COP1: variants seen among roughly 807,000 people sequenced by gnomAD.
COP1 encodes E3 ubiquitin-protein ligase COP1.
COP1 carries 24 observed loss-of-function variants against 101.3 expected under a neutral mutation model. That is an observed-to-expected ratio of 0.24 (90% CI 0.17 to 0.33). The LOEUF (loss-of-function observed/expected upper bound fraction) is 0.33, where lower values mean the gene tolerates loss of function less well. Among genes scored for constraint, COP1 ranks in the 10% least tolerant of loss-of-function variants. The pLI is 1.00. For missense variants in COP1, 663 were observed against 906.2 expected, an observed-to-expected ratio of 0.73 and a Z score of 3.45; for synonymous variants, 347 against 341.9, an observed-to-expected ratio of 1.01 and a Z score of -0.17.
At chr1:176,196,849 C>T (rs791747) in intron 1 of COP1, among the ~76,000 whole-genome samples, 42,307 of 147,604 alleles carry the variant, frequency 0.29, 6,779 homozygotes, top group East Asian at 0.52. Context: ...CAAGACCAGC[C>T]AGGGCAACAC....
chr1:176,198,673 A>G (rs1167566912), intron 1 of COP1, among the ~76,000 whole-genome samples: 1 of 152,134 alleles, frequency 6.6e-6, no homozygotes, highest in Non-Finnish European at 1.5e-5. Flanking sequence ...AAGAAAATGA[A>G]AAGATAAGCA....
intron 1 of COP1, among the ~76,000 whole-genome samples, chr1:176,189,490 AAAAAT>A (rs1698866668): frequency 6.6e-6 from 1 of 152,076 alleles, no homozygotes; most frequent in Non-Finnish European, 1.5e-5. Context: ...TATACTCAAC[AAAAAT>A]ATCTTTCAAA....
chr1:176,059,613 G>C (rs892846990), intron 11 of COP1, among the ~76,000 whole-genome samples: 8 of 152,014 alleles, frequency 5.3e-5, no homozygotes, highest in African/African-American at 1.9e-4. Flanking sequence ...CTCCTGAGTA[G>C]CTGAGATTAT....
At chr1:176,030,522 T>C (rs921126341) in intron 14 of COP1, among the ~76,000 whole-genome samples, 2 of 152,210 alleles carry the variant, frequency 1.3e-5, no homozygotes, top group African/African-American at 4.8e-5. Flanking sequence ...ACAGTTAAGT[T>C]AGAAGGGTGG....
At chr1:176,183,429 C>A (rs1400940709) in intron 2 of COP1, among the ~76,000 whole-genome samples, 2 of 152,166 alleles carry the variant, frequency 1.3e-5, no homozygotes, top group Non-Finnish European at 2.9e-5. Context: ...AGGATGGCTA[C>A]TATCAAAAAC....
Position 176,046,332 on chromosome 1 carries a change from GA to G in COP1, c.1278-9del. 1 of 1,602,190 alleles carries G rather than the reference GA, an allele frequency of 6.2e-7. No homozygotes were observed. The highest frequency in any genetic ancestry group is 8.5e-7 in the Non-Finnish European group (1 of 1,176,730). On this transcript the variant is annotated splice_polypyrimidine_tract_variant and intron_variant, in intron 11 of 19. Transcript: ENST00000367669. ...TCCCGGTCAAATTCAATACTAAGGG[GA>G]AAAAGTATGTAATGACAACATTTCA...
chr1:176,181,749 G>A (rs1002032832), intron 2 of COP1, among the ~76,000 whole-genome samples: 5 of 152,020 alleles, frequency 3.3e-5, no homozygotes, highest in African/African-American at 1.2e-4. Context: ...GCTGAGGCAG[G>A]AGAATCGCTG....
At chr1:176,042,899 C>T (rs1275584940) in intron 14 of COP1, among the ~76,000 whole-genome samples, 15 of 149,232 alleles carry the variant, frequency 1.0e-4, no homozygotes, top group Admixed American at 9.3e-4. Flanking sequence ...CATGGTGGCA[C>T]GTGGCTGTAA....
chr1:176,206,626 G>A lies in COP1; in HGVS notation c.353C>T (p.Pro118Leu). The change falls in exon 1 of 20, where the codon CCC (proline) becomes CTC (leucine). Residue 118 changes from proline to leucine, a missense_variant. Coordinates refer to ENST00000367669, the MANE Select transcript of COP1 (RefSeq NM_022457.7). The stretch of plus-strand genomic sequence containing the variant: ...GGAGTTGATGAGCCCGTTGCAGAGG[G>A]GGGCGAGGAGAGGTCGCTTCCTGCT... ...SGSRKRPLLAPLCNGLINSYE... is the reference protein window; with the variant it reads ...SGSRKRPLLALLCNGLINSYE... 1 of 1,612,190 alleles carries A rather than the reference G, an allele frequency of 6.2e-7. No individual in the cohort carries two copies. Among genetic ancestry groups the A allele is most frequent in the Non-Finnish European group, 8.5e-7 (1 of 1,179,986 alleles).
In COP1 at chr1:176,027,641, C is replaced by T. The variant is rs750463079; in HGVS notation, c.1660G>A (p.Ala554Thr). 4 of 1,613,692 alleles carry T rather than the reference C, an allele frequency of 2.5e-6. No homozygotes were observed. Among genetic ancestry groups the T allele is most frequent in the East Asian group, 2.2e-5 (1 of 44,858 alleles). The change falls in exon 15 of 20, where the codon GCA becomes ACA. Residue 554 changes from alanine (A) to threonine (T), a missense_variant. Coordinates refer to ENST00000367669, the MANE Select transcript of COP1 (RefSeq NM_022457.7). ...NLDNSVASIEAKANVCCVKFS... is the reference protein window; with the variant it reads ...NLDNSVASIETKANVCCVKFS... ...TTAACACAGCACACATTAGCCTTTGCCTCAATGCTTGCCACTGAGTTGTCT... is the reference window on the plus strand; with the variant it reads ...TTAACACAGCACACATTAGCCTTTGTCTCAATGCTTGCCACTGAGTTGTCT...
At position 176,037,836 on chromosome 1, in the gene COP1, A is replaced by C. The variant is rs1041767346; in HGVS notation, c.1612+5350T>G. 7.9e-5 allele frequency among the ~76,000 whole-genome samples: 12 copies of C among 152,206 alleles called. No individual in the cohort carries two copies. In the East Asian group the frequency reaches 2.3e-3, roughly 29 times the overall value. On this transcript the variant is annotated intron_variant, in intron 14 of 19. Transcript: ENST00000367669. ...AAAGCCTAATTTAGTCAGTATATTA[A>C]GTGATGAAAAGCTGCAAGATTTCCC...
chr1:176,202,060 C>T (rs1380030741), intron 1 of COP1, among the ~76,000 whole-genome samples: 3 of 151,976 alleles, frequency 2.0e-5, no homozygotes, highest in Non-Finnish European at 2.9e-5. Context: ...AAATTCAGTC[C>T]TATAATTCAG....
At position 175,989,516 on chromosome 1, in the gene COP1, C is replaced by G. The variant is rs36053042; in HGVS notation, c.1730-37G>C. The G allele has an allele frequency of 1.8e-3, 2,053 of 1,167,828 alleles. 3 individuals carry two copies. The highest frequency in any genetic ancestry group is 2.5e-3 in the Non-Finnish European group (1,937 of 780,342). The allele number at this position is 1,167,828 out of a possible 1,614,324, so 72.3% of individuals were successfully genotyped here. On this transcript the variant is annotated intron_variant, in intron 15 of 19. Transcript: ENST00000367669. ...CAAAATTAGATAAATGTAGTAAATGCAGAAATGGAAAGCAAAGTTAATTTT... is the reference window on the plus strand; with the variant it reads ...CAAAATTAGATAAATGTAGTAAATGGAGAAATGGAAAGCAAAGTTAATTTT...
At chr1:176,025,250 G>A (rs1667465713) in intron 15 of COP1, among the ~76,000 whole-genome samples, 1 of 152,092 alleles carries the variant, frequency 6.6e-6, no homozygotes, top group South Asian at 2.1e-4. Context: ...GGGGGAGGAT[G>A]CTATCACTAG....
intron 11 of COP1, among the ~76,000 whole-genome samples, chr1:176,074,499 C>T (rs942187288): frequency 1.6e-4 from 24 of 151,658 alleles, no homozygotes; most frequent in Admixed American, 4.6e-4. Context: ...AGAAAAAAAA[C>T]GAATGTAGCA....
chr1:176,028,877 C>A (rs1390089066), intron 14 of COP1, among the ~76,000 whole-genome samples: 1 of 151,300 alleles, frequency 6.6e-6, no homozygotes, highest in East Asian at 1.9e-4. Context: ...CCCCACTCAG[C>A]CTCCCGGGTA....
chr1:176,005,434 T>C (rs1359214118), intron 15 of COP1, among the ~76,000 whole-genome samples: 1 of 152,170 alleles, frequency 6.6e-6, no homozygotes, highest in Non-Finnish European at 1.5e-5. Flanking sequence ...GTTCTTTTAA[T>C]TGTGATGTTA....
chr1:176,206,783 G>A lies in COP1; in HGVS notation c.196C>T (p.Arg66Trp). The change falls in exon 1 of 20, where the codon CGG (arginine) becomes TGG (tryptophan). Residue 66 changes from arginine (R) to tryptophan (W), a missense_variant. Coordinates refer to ENST00000367669, the MANE Select transcript of COP1 (RefSeq NM_022457.7). ...AGSGGLGGPVRPVLVAPAVSG... is the reference protein window; with the variant it reads ...AGSGGLGGPVWPVLVAPAVSG... ...ACGGCGGGCGCCACCAACACAGGCC[G>A]CACCGGGCCCCCGAGGCCGCCCGAG... is the stretch of plus-strand genomic sequence containing the variant. 2 of 1,410,364 alleles carry A rather than the reference G, an allele frequency of 1.4e-6. No homozygotes were observed. Among genetic ancestry groups the A allele is most frequent in the Non-Finnish European group, 1.8e-6 (2 of 1,092,694 alleles). The allele number at this position is 1,410,364 out of a possible 1,614,324, so 87.4% of individuals were successfully genotyped here. A position where few individuals can be genotyped will look rare whatever the true frequency, so the allele number is the denominator to read the frequency against.
intron 14 of COP1, among the ~76,000 whole-genome samples, chr1:176,041,042 G>A (rs967208180): frequency 6.6e-6 from 1 of 152,150 alleles, no homozygotes; most frequent in African/African-American, 2.4e-5. Flanking sequence ...GAAAAAAAAG[G>A]TCAATTAAAT....
Sources: gnomAD v4.1 joint callset for allele counts (sites outside exome capture counted in the v4.1 genomes callset) on GRCh38, gnomAD v4.1.1 for gene constraint, MANE v1.5 for transcripts, NCBI Gene and HGNC (gene_info 2026-07-23, HGNC 2026-07-21) for gene names.